Variants in PCDHA6 observed in about 807,000 individuals in gnomAD.
The protein encoded by PCDHA6 is protocadherin alpha 6.
PCDHA6 carries 55 observed loss-of-function variants against 60.3 expected under a neutral mutation model. That is an observed-to-expected ratio of 0.91 (90% CI 0.73 to 1.14). PCDHA6 has a LOEUF of 1.14. PCDHA6 is among the 50% of genes most tolerant of loss of function. PCDHA6 has a pLI of 0.00. For missense variants in PCDHA6, 1,327 were observed against 1,256.5 expected (o/e 1.06, Z -0.85); for synonymous variants, 652 against 557.9 (o/e 1.17, Z -2.38).
Position 140,883,704 on chromosome 5 carries a change from C to A in PCDHA6, c.2394+53219C>A, listed in dbSNP as rs782488934. The A allele has an allele frequency of 1.9e-5, 31 of 1,613,628 alleles. 1 individual carries two copies. In the Middle Eastern group the frequency reaches 5.0e-4, roughly 26 times the overall value. ...GGCTGCCACATCTTCACGGTGTCTG[C>A]TCAGGACGCGGACGCACAGGAGAAC... On this transcript the variant is annotated intron_variant, in intron 1 of 3. Transcript: ENST00000529310.
At chr5:140,849,973 C>T in intron 1 of PCDHA6, 1 of 1,597,728 alleles carries the variant, frequency 6.3e-7, no homozygotes. Context: ...GTGTCCTACT[C>T]GCTGGTGGAG....
chr5:140,835,695 A>C (rs2150242144), intron 1 of PCDHA6: 1 of 1,613,830 alleles, frequency 6.2e-7, no homozygotes. Flanking sequence ...TCTGTGGGCC[A>C]CTGCTAGCGT....
At chr5:140,883,957 G>T (rs879988838) in intron 1 of PCDHA6, 1 of 1,613,246 alleles carries the variant, frequency 6.2e-7, no homozygotes, top group Non-Finnish European at 8.5e-7. Context: ...ACAACGCTCC[G>T]GCGCTGCTGA....
intron 3 of PCDHA6, among the ~76,000 whole-genome samples, chr5:140,984,430 A>T (rs1236503699): frequency 6.6e-6 from 1 of 152,080 alleles, no homozygotes; most frequent in East Asian, 1.9e-4. Flanking sequence ...AGAGAAGGGG[A>T]TCTCCCTTGT....
In PCDHA6 at chr5:140,851,659, C is replaced by T; in HGVS notation, c.2394+21174C>T. The T allele has an allele frequency of 2.2e-6, 2 of 912,906 alleles. 1 individual carries two copies. Among genetic ancestry groups the T allele is most frequent in the Non-Finnish European group, 2.7e-6 (2 of 750,030 alleles). 56.6% of individuals were successfully genotyped at this position (912,906 alleles called of 1,614,324 possible). On this transcript the variant is annotated intron_variant, in intron 1 of 3. Coordinates refer to ENST00000529310, the MANE Select transcript of PCDHA6 (RefSeq NM_018909.4). The stretch of plus-strand genomic sequence containing the variant: ...TTCCTTTCTTCAAGAAGACATTCTC[C>T]TTTTAATTGAAATTTTCTCCATTCA...
chr5:140,842,302 T>A (rs1554138952), intron 1 of PCDHA6: 3 of 1,609,802 alleles, frequency 1.9e-6, no homozygotes, highest in Non-Finnish European at 2.6e-6. Flanking sequence ...ACAAAGGCCA[T>A]CCTCCCATGG....
chr5:140,999,574 A>G (rs2097863527), intron 3 of PCDHA6, among the ~76,000 whole-genome samples: 1 of 152,170 alleles, frequency 6.6e-6, no homozygotes, highest in South Asian at 2.1e-4. Context: ...AAGAGACTAT[A>G]AAGGGAAATT....
intron 1 of PCDHA6, chr5:140,843,571 C>G: frequency 1.3e-6 from 2 of 1,595,974 alleles, no homozygotes; most frequent in Non-Finnish European, 1.7e-6. Context: ...GCTGGTCATA[C>G]TCGCAACAAC....
chr5:140,970,912 T>C (rs1035265875), intron 1 of PCDHA6, among the ~76,000 whole-genome samples: 3 of 152,212 alleles, frequency 2.0e-5, no homozygotes, highest in Non-Finnish European at 2.9e-5. Flanking sequence ...TTTATTCATT[T>C]ATCAGAAGTG....
chr5:140,941,191 T>TTTCTTTCTTTCTTTCTTTCTTTC (rs1487503403), intron 1 of PCDHA6, among the ~76,000 whole-genome samples: 1 of 93,206 alleles, frequency 1.1e-5, no homozygotes, highest in South Asian at 2.8e-4. Flanking sequence ...GCTTCTTTTT[T>TTTCTTTCTTTCTTTCTTTCTTTC]TTTCTTTCTT....
intron 1 of PCDHA6, chr5:140,857,829 G>A: frequency 1.9e-6 from 3 of 1,597,788 alleles, no homozygotes; most frequent in Non-Finnish European, 2.6e-6. Context: ...GCTAAGGTGC[G>A]CGCAGTGGAC....
At chr5:140,901,713 A>G (rs1463520839) in intron 1 of PCDHA6, among the ~76,000 whole-genome samples, 1 of 151,994 alleles carries the variant, frequency 6.6e-6, no homozygotes, top group Non-Finnish European at 1.5e-5. Context: ...ACATTTTCAG[A>G]TTGTCTTTTC....
chr5:140,869,089 C>T (rs141432478), intron 1 of PCDHA6: 5 of 1,588,880 alleles, frequency 3.1e-6, no homozygotes, highest in Non-Finnish European at 4.3e-6. Flanking sequence ...ATTTTGGAAG[C>T]CAATTTCGTA....
rs572273107 is a variant in PCDHA6, at chr5:140,941,410, G to A, written c.2395-37539G>A. 1.3e-4 allele frequency among the ~76,000 whole-genome samples: 19 copies of A among 147,656 alleles called. 1 individual carries two copies. In the South Asian group the frequency reaches 3.3e-3, roughly 26 times the overall value. ...TGGCTCACTGCAACCTCCGCCTCCC[G>A]GGTTCAAGCAATTCTCTGCCTCAGC... On this transcript the variant is annotated intron_variant, in intron 1 of 3. Transcript: ENST00000529310.
intron 1 of PCDHA6, among the ~76,000 whole-genome samples, chr5:140,973,003 C>T (rs1417207719): frequency 4.0e-5 from 6 of 151,856 alleles, no homozygotes; most frequent in African/African-American, 7.3e-5. Flanking sequence ...CATTTGTGGT[C>T]GTGGTGTTGT....
chr5:140,902,885 T>C (rs2069815301), intron 1 of PCDHA6, among the ~76,000 whole-genome samples: 1 of 152,238 alleles, frequency 6.6e-6, no homozygotes, highest in Admixed American at 6.5e-5. Context: ...CTGCAAAAGC[T>C]ATTATTTTAT....
chr5:140,887,081 T>C (rs2061290342), intron 1 of PCDHA6, among the ~76,000 whole-genome samples: 1 of 152,076 alleles, frequency 6.6e-6, no homozygotes, highest in Non-Finnish European at 1.5e-5. Context: ...TCAGCTTTTG[T>C]CTGAGAAATA....
rs1554144490 is a variant in PCDHA6, at chr5:140,850,541, G to C, written c.2394+20056G>C. ...AGGCGCCAAAGTCATCGTCGCGGGC[G>C]TCAGTGGGTGCCACGGGCCCCGAGG... is the stretch of plus-strand genomic sequence containing the variant. On this transcript the variant is annotated intron_variant, in intron 1 of 3. Transcript: ENST00000529310. The C allele has an allele frequency of 2.5e-6, 4 of 1,598,386 alleles. 1 individual carries two copies. In the South Asian group the frequency reaches 4.4e-5, roughly 18 times the overall value.
At chr5:140,979,068 C>G in intron 2 of PCDHA6, 61 bp downstream of exon 2, 1 of 1,602,182 alleles carries the variant, frequency 6.2e-7, no homozygotes. Flanking sequence ...CTCAGATAAA[C>G]TGCATCTCCA....
Sources: allele counts gnomAD v4.1 joint callset (sites outside exome capture counted in the v4.1 genomes callset), GRCh38; gene constraint gnomAD v4.1.1; transcripts MANE v1.5; gene names NCBI Gene and HGNC (gene_info 2026-07-23, HGNC 2026-07-21).